The following PASD1 variants were observed in gnomAD, a reference collection of about 807,000 sequenced individuals.
PASD1 encodes the protein circadian clock protein PASD1.
Under a neutral mutation model 58.8 loss-of-function variants are expected in PASD1, and 13 were observed. The observed-to-expected ratio is 0.22, with a 90% confidence interval of 0.14 to 0.35. The LOEUF is 0.35. Ranked by LOEUF, PASD1 falls within the 10% of genes least tolerant of loss-of-function variation. PASD1 has a pLI of 1.00. For missense variants in PASD1, 734 were observed against 568.3 expected, an observed-to-expected ratio of 1.29 and a Z score of -2.96; for synonymous variants, 236 against 216.7, an observed-to-expected ratio of 1.09 and a Z score of -0.78.
intron 9 of PASD1, among the ~76,000 whole-genome samples, chrX:151,658,602 C>T (rs1167154537): frequency 8.9e-6 from 1 of 111,991 alleles, no homozygotes; most frequent in Non-Finnish European, 1.9e-5. Context: ...ACCATAATGT[C>T]ATTGTAAGTA....
intron 1 of PASD1, among the ~76,000 whole-genome samples, chrX:151,574,234 A>G (rs933486866): frequency 8.9e-6 from 1 of 112,521 alleles, no homozygotes; most frequent in Admixed American, 9.4e-5. Context: ...GGTTCTTGCC[A>G]GATGCTCCTT....
At chrX:151,625,891 G>A (rs2013780529) in intron 8 of PASD1, among the ~76,000 whole-genome samples, 1 of 111,458 alleles carries the variant, frequency 9.0e-6, no homozygotes, top group African/African-American at 3.3e-5. Flanking sequence ...AGTCTGCAGT[G>A]AGCAGTGATC....
At chrX:151,626,050 G>A (rs2013782749) in intron 8 of PASD1, among the ~76,000 whole-genome samples, 1 of 111,880 alleles carries the variant, frequency 8.9e-6, no homozygotes, top group African/African-American at 3.3e-5. Context: ...CAGGTGATTG[G>A]CTTTTTATTT....
Position 151,576,026 on chromosome X carries a change from AT to A in PASD1, c.-28+12200del, listed in dbSNP as rs5904322. Among the ~76,000 whole-genome samples the A allele has an allele frequency of 2.3e-4, 22 of 94,936 alleles. No homozygotes were observed. The East Asian group carries it at 5.1e-3, about 22-fold the overall frequency. The allele number at this position is 94,936 out of a possible 115,157, so 82.4% of individuals were successfully genotyped here. ...TTACAGGCACCTGCCACCATACCTA[AT>A]TTTTTTTTTTTTGTATTTTTAGAAG... is the stretch of plus-strand genomic sequence containing the variant. On this transcript the variant is annotated intron_variant, in intron 1 of 15. Transcript: ENST00000370357.
intron 1 of PASD1, among the ~76,000 whole-genome samples, chrX:151,594,642 G>C (rs2124244605): frequency 8.9e-6 from 1 of 111,849 alleles, no homozygotes; most frequent in East Asian, 2.8e-4. Flanking sequence ...ATAAACTTTA[G>C]AATATTTTGC....
chrX:151,644,982 G>A (rs1043124792), intron 8 of PASD1, among the ~76,000 whole-genome samples: 8 of 110,872 alleles, frequency 7.2e-5, no homozygotes, highest in African/African-American at 2.3e-4. Context: ...GACTCTTCAG[G>A]AGAGGTGGGC....
intron 1 of PASD1, among the ~76,000 whole-genome samples, chrX:151,567,015 G>A (rs2012852716): frequency 9.3e-6 from 1 of 108,040 alleles, no homozygotes; most frequent in Non-Finnish European, 1.9e-5. Flanking sequence ...CTGCATTCCA[G>A]CCTGGGCAAC....
chrX:151,673,864 G>T, intron 14 of PASD1, 64 bp from the exon 15 acceptor site: 1 of 1,169,624 alleles, frequency 8.5e-7, no homozygotes. Context: ...TGATGACCAC[G>T]TGAGTGTCTC....
At chrX:151,624,144 A>G (rs1246979169) in intron 7 of PASD1, among the ~76,000 whole-genome samples, 2 of 111,984 alleles carry the variant, frequency 1.8e-5, no homozygotes, top group African/African-American at 3.2e-5. Flanking sequence ...GGCTTGGACT[A>G]TGATTGTAGT....
At chrX:151,580,213 T>G (rs2013064683) in intron 1 of PASD1, among the ~76,000 whole-genome samples, 1 of 112,291 alleles carries the variant, frequency 8.9e-6, no homozygotes, top group Admixed American at 9.4e-5. Context: ...AAGTCTGATC[T>G]CCAAAGAGCA....
chrX:151,590,586 T>G (rs2013231791), intron 1 of PASD1, among the ~76,000 whole-genome samples: 1 of 111,515 alleles, frequency 9.0e-6, no homozygotes, highest in South Asian at 3.8e-4. Context: ...TTTACTTTTA[T>G]TTTTACTTTT....
chrX:151,643,139 T>C (rs1015377132), intron 8 of PASD1, among the ~76,000 whole-genome samples: 2 of 112,394 alleles, frequency 1.8e-5, no homozygotes, highest in Non-Finnish European at 3.8e-5. Context: ...ATTTGGATAA[T>C]TTGACAGATT....
chrX:151,669,409 C>G (rs1390802080), intron 11 of PASD1, among the ~76,000 whole-genome samples: 1 of 110,329 alleles, frequency 9.1e-6, no homozygotes, highest in African/African-American at 3.3e-5. Flanking sequence ...GTGTTGGGAG[C>G]ATTACAATTC....
intron 15 of PASD1, among the ~76,000 whole-genome samples, chrX:151,675,174 A>G (rs1217784638): frequency 1.8e-5 from 2 of 112,112 alleles, no homozygotes; most frequent in East Asian, 5.7e-4. Flanking sequence ...GGGAAGTGGG[A>G]AAGGTCAGAT....
intron 4 of PASD1, among the ~76,000 whole-genome samples, chrX:151,619,989 A>C (rs1026710426): frequency 8.9e-6 from 1 of 111,815 alleles, no homozygotes; most frequent in Non-Finnish European, 1.9e-5. Context: ...CCAGATAAGT[A>C]GAATTATAAT....
chrX:151,599,207 C>T (rs1348028792), intron 1 of PASD1, among the ~76,000 whole-genome samples: 1 of 112,471 alleles, frequency 8.9e-6, no homozygotes, highest in Non-Finnish European at 1.9e-5. Flanking sequence ...AATGGAGTCT[C>T]CTATGTCTAC....
At chrX:151,669,601 A>T (rs2014437753) in intron 11 of PASD1, among the ~76,000 whole-genome samples, 1 of 110,986 alleles carries the variant, frequency 9.0e-6, no homozygotes, top group African/African-American at 3.3e-5. Context: ...CACCTCCATG[A>T]TATCAACATT....
chrX:151,583,514 G>GT (rs1388918535), intron 1 of PASD1, among the ~76,000 whole-genome samples: 3 of 111,448 alleles, frequency 2.7e-5, no homozygotes, highest in Non-Finnish European at 5.7e-5. Context: ...TCCCAGCGTA[G>GT]TTTTTTTTGT....
In PASD1 at chrX:151,593,468, C is replaced by T. The variant is rs754905573; in HGVS notation, c.-27-8059C>T. Among the ~76,000 whole-genome samples the T allele has an allele frequency of 1.7e-4, 15 of 88,902 alleles. No homozygotes were observed. The South Asian group carries it at 0.01, about 60-fold the overall frequency. The allele number at this position is 88,902 out of a possible 115,157, so 77.2% of individuals were successfully genotyped here. A position where few individuals can be genotyped will look rare whatever the true frequency, so the allele number is the denominator to read the frequency against. ...GTCCAAGTGTTCTCATTGTTTGATTCCCACCTGTGAGTGAGAACATGCGGT... is the reference window on the plus strand; with the variant it reads ...GTCCAAGTGTTCTCATTGTTTGATTTCCACCTGTGAGTGAGAACATGCGGT... On this transcript the variant is annotated intron_variant, in intron 1 of 15. Coordinates refer to ENST00000370357, the MANE Select transcript of PASD1 (RefSeq NM_173493.3).
Sources: gnomAD v4.1 joint callset for allele counts (sites outside exome capture counted in the v4.1 genomes callset) on GRCh38, gnomAD v4.1.1 for gene constraint, MANE v1.5 for transcripts, NCBI Gene and HGNC (gene_info 2026-07-23, HGNC 2026-07-21) for gene names.